Variants in CT45A1 observed in about 807,000 individuals in gnomAD.
CT45A1 encodes cancer/testis antigen 45-1.
At chrX:135,718,007 T>A (rs1302996683) in intron 1 of CT45A1, among the ~76,000 whole-genome samples, 1 of 112,233 alleles carries the variant, frequency 8.9e-6, no homozygotes, top group Non-Finnish European at 1.9e-5. Context: ...GAGAAAATAC[T>A]GATACGTCAC....
At chrX:135,711,246 CTG>C (rs3045352), upstream of CT45A1, among the ~76,000 whole-genome samples, 45 of 111,473 alleles carry the variant, frequency 4.0e-4, no homozygotes, top group Admixed American at 2.8e-3. Context: ...AACAAAACAA[CTG>C]TGTTCCTACA....
At chrX:135,716,041 T>A (rs1249535920) in intron 1 of CT45A1, among the ~76,000 whole-genome samples, 1 of 111,306 alleles carries the variant, frequency 9.0e-6, no homozygotes, top group East Asian at 2.8e-4. Context: ...AAGTATTCCA[T>A]GGTGTATATG....
At chrX:135,709,300 C>T (rs1569518502), upstream of CT45A1, among the ~76,000 whole-genome samples, 1 of 112,587 alleles carries the variant, frequency 8.9e-6, no homozygotes, top group South Asian at 3.7e-4. Context: ...TAATTGTTTG[C>T]ATTTCTTAGC....
At chrX:135,713,071 C>T, upstream of CT45A1, among the ~76,000 whole-genome samples, 1 of 88,211 alleles carries the variant, frequency 1.1e-5, no homozygotes, top group Non-Finnish European at 2.2e-5. Context: ...ATAGAGTCTC[C>T]TCTATGGCCA....
chrX:135,711,838 T>C (rs1216248415), upstream of CT45A1, among the ~76,000 whole-genome samples: 3 of 111,377 alleles, frequency 2.7e-5, no homozygotes, highest in African/African-American at 9.8e-5. Flanking sequence ...CCCAGCACTT[T>C]TGGAGGCCAA....
intron 1 of CT45A1, among the ~76,000 whole-genome samples, chrX:135,718,344 T>A (rs1167397475): frequency 9.0e-6 from 1 of 111,486 alleles, no homozygotes; most frequent in Non-Finnish European, 1.9e-5. Context: ...GGGGTGATAT[T>A]GGCTTGTATT....
intron 1 of CT45A1, among the ~76,000 whole-genome samples, chrX:135,717,908 G>C (rs1290717623): frequency 1.8e-5 from 2 of 111,634 alleles, no homozygotes; most frequent in African/African-American, 6.5e-5. Flanking sequence ...TAAACCTATT[G>C]TATTTTCCTG....
chrX:135,715,578 ATACT>A (rs1556571285), intron 1 of CT45A1, among the ~76,000 whole-genome samples: 1 of 90,016 alleles, frequency 1.1e-5, no homozygotes, highest in African/African-American at 4.2e-5. Context: ...TATATATATA[ATACT>A]TATAGGTATA....
chrX:135,711,894 G>A (rs1270653829), upstream of CT45A1, among the ~76,000 whole-genome samples: 12 of 110,302 alleles, frequency 1.1e-4, no homozygotes, highest in Admixed American at 6.8e-4. Context: ...CAGCCTGGCC[G>A]ATGTGGTGAA....
At chrX:135,715,300 ATATATACAATACT>A (rs1322427648) in intron 1 of CT45A1, among the ~76,000 whole-genome samples, 1,224 of 75,129 alleles carry the variant, frequency 0.016, 30 homozygotes, top group Middle Eastern at 0.024. Context: ...TATAATACTT[ATATATACAATACT>A]TATATATAAT....
chrX:135,713,289 C>T (rs1388375287), upstream of CT45A1, among the ~76,000 whole-genome samples: 1 of 106,264 alleles, frequency 9.4e-6, no homozygotes, highest in Non-Finnish European at 1.9e-5. Flanking sequence ...CGATTTCATC[C>T]CACTGTGTGA....
intron 1 of CT45A1, among the ~76,000 whole-genome samples, chrX:135,716,424 G>T (rs1457307030): frequency 1.8e-5 from 2 of 111,543 alleles, no homozygotes; most frequent in Non-Finnish European, 3.8e-5. Context: ...CTTATGAAGT[G>T]CATATTCAGC....
At chrX:135,710,540 G>A (rs1415350714), upstream of CT45A1, among the ~76,000 whole-genome samples, 22 of 111,545 alleles carry the variant, frequency 2.0e-4, no homozygotes, top group Non-Finnish European at 3.4e-4. Flanking sequence ...TGCTAAATTG[G>A]GGGCTTAGTG....
At chrX:135,718,009 A>G (rs1367068534) in intron 1 of CT45A1, among the ~76,000 whole-genome samples, 1 of 112,086 alleles carries the variant, frequency 8.9e-6, no homozygotes, top group Non-Finnish European at 1.9e-5. Context: ...GAAAATACTG[A>G]TACGTCACTA....
intron 1 of CT45A1, among the ~76,000 whole-genome samples, chrX:135,716,861 A>G (rs1275980226): frequency 9.9e-5 from 11 of 111,610 alleles, no homozygotes; most frequent in Non-Finnish European, 2.1e-4. Context: ...TATCAAGTGC[A>G]TTTATTAAAA....
chrX:135,713,216 G>GT (rs144472727), upstream of CT45A1, among the ~76,000 whole-genome samples: 2,429 of 88,502 alleles, frequency 0.027, 51 homozygotes, highest in East Asian at 0.12. Context: ...TTTTGTGTGT[G>GT]TTTTTTTTTT....
upstream of CT45A1, among the ~76,000 whole-genome samples, chrX:135,708,797 GT>G (rs2148029903): frequency 9.0e-6 from 1 of 111,300 alleles, no homozygotes; most frequent in Admixed American, 9.5e-5. Context: ...CTGATTTTGT[GT>G]GGGAATTATT....
chrX:135,714,024 C>T (rs1556570413), intron 1 of CT45A1, among the ~76,000 whole-genome samples: 4 of 107,917 alleles, frequency 3.7e-5, no homozygotes. Context: ...TTGCTTGTGT[C>T]GGCCTCGGGT....
At chrX:135,710,056 C>G (rs2087926616), upstream of CT45A1, 1 of 112,716 alleles carries the variant, frequency 8.9e-6, no homozygotes. Flanking sequence ...ATCCAAAATA[C>G]AAGACTGTCA....
Sources: allele counts gnomAD v4.1 joint callset (sites outside exome capture counted in the v4.1 genomes callset), GRCh38; gene constraint gnomAD v4.1.1; transcripts MANE v1.5; gene names NCBI Gene and HGNC (gene_info 2026-07-23, HGNC 2026-07-21).